PPIA: variants seen among roughly 807,000 people sequenced by gnomAD.
PPIA encodes the protein peptidyl-prolyl cis-trans isomerase A.
A neutral mutation model predicts 15.3 loss-of-function variants in PPIA; 2 were observed. The observed-to-expected ratio is 0.13, with a 90% CI of 0.05 to 0.41. The LOEUF is 0.41. Among genes scored for constraint, PPIA ranks in the 10% least tolerant of loss-of-function variants. PPIA has a pLI of 0.99. For missense variants in PPIA, 103 were observed against 210.3 expected, an observed-to-expected ratio of 0.49 and a Z score of 3.16; for synonymous variants, 67 against 73.1, an observed-to-expected ratio of 0.92 and a Z score of 0.43.
chr7:44,800,995 T>G lies in PPIA; in HGVS notation c.363-292T>G, dbSNP rs538049924. 7.0e-4 allele frequency among the ~76,000 whole-genome samples: 106 copies of G among 151,986 alleles called. 1 individual carries two copies. Among genetic ancestry groups the G allele is most frequent in the South Asian group, 1.2e-3 (6 of 4,810 alleles). On this transcript the variant is annotated intron_variant, in intron 4 of 4. Coordinates refer to ENST00000468812, the MANE Select transcript of PPIA (RefSeq NM_021130.5). The stretch of plus-strand genomic sequence containing the variant: ...ACCATGCCCGGCTAATTTTTTGTAT[T>G]TTTAGTAGAGACAGGGTTTCACCGT...
Position 44,802,715 on chromosome 7 carries a change from C to T in PPIA, c.*1293C>T, listed in dbSNP as rs1389251572. On this transcript the variant is annotated 3_prime_UTR_variant, in exon 5 of 5. Transcript: ENST00000468812. Reference sequence around the variant, plus strand: ...AGGCTTTGAGGTTTTGCAAACCTGACCAATTTAAGCCATAAGATCTGGTCA... The same window carrying T: ...AGGCTTTGAGGTTTTGCAAACCTGATCAATTTAAGCCATAAGATCTGGTCA... 2.0e-5 allele frequency: 3 copies of T among 152,142 alleles called. No homozygotes were observed. Among genetic ancestry groups the T allele is most frequent in the African/African-American group, 7.2e-5 (3 of 41,400 alleles). 9.4% of individuals were successfully genotyped at this position (152,142 alleles called of 1,614,324 possible).
intron 1 of PPIA, 149 bp downstream of exon 1, chr7:44,796,942 C>T: frequency 1.1e-6 from 1 of 874,264 alleles, no homozygotes; most frequent in Non-Finnish European, 1.6e-6. Context: ...GACGAGGGGC[C>T]ATTTTGGGAG....
At chr7:44,797,615 G>A (rs1202349765) in intron 1 of PPIA, among the ~76,000 whole-genome samples, 1 of 152,194 alleles carries the variant, frequency 6.6e-6, no homozygotes, top group African/African-American at 2.4e-5. Flanking sequence ...GGCCTCTTCC[G>A]ACCAAGGTGG....
At chr7:44,797,143 C>T (rs1792397643) in intron 1 of PPIA, among the ~76,000 whole-genome samples, 1 of 152,218 alleles carries the variant, frequency 6.6e-6, no homozygotes, top group African/African-American at 2.4e-5. Flanking sequence ...TCCGCCCTAG[C>T]TTGGCCTGGG....
rs1265658109 is a variant in PPIA at position 44,801,317 on chromosome 7, A to G, written c.393A>G (p.Lys131=). The G allele has an allele frequency of 1.2e-6, 2 of 1,613,134 alleles. No homozygotes were observed. Among genetic ancestry groups the G allele is most frequent in the Non-Finnish European group, 1.7e-6 (2 of 1,179,700 alleles). ...WLDGKHVVFG[K]VKEGMNIVEA... is the part of the protein sequence containing the mutation. ...ATGGCAAGCATGTGGTGTTTGGCAA[A>G]GTGAAAGAAGGCATGAATATTGTGG... The change falls in exon 5 of 5, where the codon AAA becomes AAG. Residue 131 remains lysine (K), a synonymous_variant. Coordinates refer to ENST00000468812, the MANE Select transcript of PPIA (RefSeq NM_021130.5).
intron 1 of PPIA, chr7:44,798,523 G>T (rs1230548512): frequency 1.2e-5 from 2 of 165,166 alleles, no homozygotes; most frequent in Non-Finnish European, 2.5e-5. Flanking sequence ...AAAAAAAAAA[G>T]TACATTGCTA....
rs1347260948 is a variant in PPIA at position 44,801,557 on chromosome 7, C to T, written c.*135C>T. ...CAGTTCCCTTTGGGTTCCATGTTTT[C>T]CTTGTTCCCTCCCATGCCTAGCTGG... On this transcript the variant is annotated 3_prime_UTR_variant, in exon 5 of 5. Coordinates refer to ENST00000468812, the MANE Select transcript of PPIA (RefSeq NM_021130.5). 1 of 594,272 alleles carries T rather than the reference C, an allele frequency of 1.7e-6. No homozygotes were observed. Among genetic ancestry groups the T allele is most frequent in the East Asian group, 2.9e-5 (1 of 34,956 alleles). 36.8% of individuals were successfully genotyped at this position (594,272 alleles called of 1,614,324 possible). A position where few individuals can be genotyped will look rare whatever the true frequency, so the allele number is the denominator to read the frequency against.
At chr7:44,801,210 T>A in intron 4 of PPIA, 77 bp from the exon 5 acceptor site, 1 of 1,488,104 alleles carries the variant, frequency 6.7e-7, no homozygotes, top group Middle Eastern at 2.3e-4. Flanking sequence ...AAAGCTACCT[T>A]TCTCGTCTTG....
intron 1 of PPIA, chr7:44,797,832 C>T (rs1792426617): frequency 6.6e-6 from 1 of 152,180 alleles, no homozygotes; most frequent in South Asian, 2.1e-4. Context: ...TCTCAAAAGG[C>T]CACCAATGGC....
At chr7:44,798,510 C>CAA (rs113342552) in intron 1 of PPIA, 4 of 147,884 alleles carry the variant, frequency 2.7e-5, no homozygotes, top group East Asian at 2.0e-4. Context: ...ACTCTTGTCT[C>CAA]AAAAAAAAAA....
In PPIA at chr7:44,802,172, G is replaced by GTT. The variant is rs1562773492; in HGVS notation, c.*750_*751insTT. The GTT allele has an allele frequency of 5.5e-5, 1 of 18,142 alleles. No homozygotes were observed. Among genetic ancestry groups the GTT allele is most frequent in the Admixed American group, 1.0e-3 (1 of 992 alleles). 1.1% of individuals were successfully genotyped at this position (18,142 alleles called of 1,614,324 possible). A position where few individuals can be genotyped will look rare whatever the true frequency, so the allele number is the denominator to read the frequency against. ...TGTCAAAAATTGAGACATCTGTTGC[G>GTT]GTTTTTTTTTTTTTTTTTTCCCCTG... On this transcript the variant is annotated 3_prime_UTR_variant, in exon 5 of 5. Coordinates refer to ENST00000468812, the MANE Select transcript of PPIA (RefSeq NM_021130.5).
At chr7:44,799,925 C>T in intron 4 of PPIA, 51 bp downstream of exon 4, 2 of 1,569,136 alleles carry the variant, frequency 1.3e-6, no homozygotes, top group Non-Finnish European at 1.7e-6. Context: ...AAAAGTTGCC[C>T]TGGGGGGAAC....
Position 44,800,068 on chromosome 7 carries a change from T to C in PPIA, c.362+194T>C, listed in dbSNP as rs964484987. 5 of 647,252 alleles carry C rather than the reference T, an allele frequency of 7.7e-6. No individual in the cohort carries two copies. The East Asian group carries it at 1.4e-4, about 18-fold the overall frequency. 40.1% of individuals were successfully genotyped at this position (647,252 alleles called of 1,614,324 possible). A position where few individuals can be genotyped will look rare whatever the true frequency, so the allele number is the denominator to read the frequency against. ...AATGTCAGATACTATGATAGAAACT[T>C]GGCCCTTAGCTGGGTGGTTGAATTA... On this transcript the variant is annotated intron_variant, in intron 4 of 4. Coordinates refer to ENST00000468812, the MANE Select transcript of PPIA (RefSeq NM_021130.5).
intron 4 of PPIA, 97 bp downstream of exon 4, chr7:44,799,971 A>G: frequency 2.3e-6 from 3 of 1,317,780 alleles, no homozygotes; most frequent in Non-Finnish European, 3.2e-6. Context: ...CTTTGCTTCC[A>G]CAGACTTTTT....
At chr7:44,799,513 G>A (rs1444762540) in intron 3 of PPIA, 33 bp downstream of exon 3, 2 of 1,603,138 alleles carry the variant, frequency 1.2e-6, no homozygotes, top group Non-Finnish European at 1.7e-6. Context: ...TTTTATTTGG[G>A]TTGCTCCCTT....
intron 1 of PPIA, 170 bp from the exon 2 acceptor site, chr7:44,799,077 C>A: frequency 1.9e-6 from 2 of 1,066,408 alleles, no homozygotes; most frequent in Non-Finnish European, 2.6e-6. Context: ...TTTCTTAACC[C>A]AACTGCCTGC....
At chr7:44,796,903 A>G in intron 1 of PPIA, 110 bp downstream of exon 1, 1 of 1,204,576 alleles carries the variant, frequency 8.3e-7, no homozygotes, top group South Asian at 1.6e-5. Context: ...TTGAGGGGCG[A>G]GCGCGGGCGG....
intron 1 of PPIA, chr7:44,798,724 CTT>C: frequency 1.0e-6 from 1 of 985,010 alleles, no homozygotes; most frequent in Non-Finnish European, 1.2e-6. Flanking sequence ...AGAAACCAAT[CTT>C]TATTTTTTAC....
chr7:44,800,507 T>A (rs907197852), intron 4 of PPIA: 1 of 153,682 alleles, frequency 6.5e-6, no homozygotes, highest in Non-Finnish European at 1.4e-5. Context: ...TTCAAGCAAT[T>A]CTTCTGCCTC....
Sources: allele counts gnomAD v4.1 joint callset (sites outside exome capture counted in the v4.1 genomes callset), GRCh38; gene constraint gnomAD v4.1.1; transcripts MANE v1.5; gene names NCBI Gene and HGNC (gene_info 2026-07-23, HGNC 2026-07-21).